Variants in AIFM2 observed in about 807,000 individuals in gnomAD.
AIFM2 encodes the protein ferroptosis suppressor protein 1.
A neutral mutation model predicts 35.7 loss-of-function variants in AIFM2; 38 were observed. That is an observed-to-expected ratio of 1.06 (90% CI 0.82 to 1.39). The LOEUF (loss-of-function observed/expected upper bound fraction) is 1.39, where lower values mean the gene tolerates loss of function less well. Ranked by LOEUF, AIFM2 falls within the 40% of genes most tolerant of loss-of-function variation. The pLI is 0.00. For missense variants in AIFM2, 476 were observed against 491.2 expected (o/e 0.97, Z 0.29); for synonymous variants, 185 against 203.5 (o/e 0.91, Z 0.77).
chr10:70,114,424 A>G (rs2072410970), intron 8 of AIFM2, 95 bp from the exon 9 acceptor site: 4 of 1,485,180 alleles, frequency 2.7e-6, no homozygotes, highest in Non-Finnish European at 3.7e-6. Context: ...CTTCAGACTC[A>G]GGGCCGGAAA....
chr10:70,130,447 T>G (rs1476698322), intron 1 of AIFM2, among the ~76,000 whole-genome samples: 2 of 152,206 alleles, frequency 1.3e-5, no homozygotes, highest in African/African-American at 2.4e-5. Flanking sequence ...CTTCCACTGA[T>G]CATCATGTTT....
At chr10:70,114,413 C>A in intron 8 of AIFM2, 84 bp from the exon 9 acceptor site, 2 of 1,538,036 alleles carry the variant, frequency 1.3e-6, no homozygotes, top group African/African-American at 1.4e-5. Context: ...CTTCCCGAGG[C>A]CTTCAGACTC....
At chr10:70,114,660 G>A in intron 8 of AIFM2, 1 of 521,090 alleles carries the variant, frequency 1.9e-6, no homozygotes, top group Non-Finnish European at 3.4e-6. Context: ...TTTTAGTAGA[G>A]ACGGGGTTTC....
chr10:70,116,576 G>A (rs1362239009), intron 7 of AIFM2, 46 bp downstream of exon 7: 1 of 1,610,200 alleles, frequency 6.2e-7, no homozygotes, highest in African/African-American at 1.3e-5. Context: ...AGAGGGTACT[G>A]GAGAGCAAGG....
chr10:70,119,895 T>A (rs1391145200), intron 5 of AIFM2, among the ~76,000 whole-genome samples: 2 of 152,222 alleles, frequency 1.3e-5, no homozygotes, highest in Non-Finnish European at 2.9e-5. Flanking sequence ...CGGTAGGATC[T>A]CTGTCTTTTG....
In AIFM2 at chr10:70,129,070, C is replaced by T. The variant is rs189439592; in HGVS notation, c.-14+3664G>A. Among the ~76,000 whole-genome samples, 36 of 151,052 alleles carry T rather than the reference C, an allele frequency of 2.4e-4. No individual in the cohort carries two copies. The Middle Eastern group carries it at 0.01, about 44-fold the overall frequency. On this transcript the variant is annotated intron_variant, in intron 1 of 8. Coordinates refer to ENST00000307864, the MANE Select transcript of AIFM2 (RefSeq NM_032797.6). ...CAGGGTCTTGCTCTATCACCCAGGC[C>T]AGAATGCAGTGGCATGATCATAACT...
At chr10:70,132,347 G>A (rs1286744180) in intron 1 of AIFM2, among the ~76,000 whole-genome samples, 1 of 152,192 alleles carries the variant, frequency 6.6e-6, no homozygotes, top group Non-Finnish European at 1.5e-5. Flanking sequence ...CGGACCGGCC[G>A]CTTCTACCCA....
At chr10:70,121,039 A>T in intron 4 of AIFM2, 53 bp downstream of exon 4, 1 of 1,587,704 alleles carries the variant, frequency 6.3e-7, no homozygotes, top group South Asian at 1.1e-5. Flanking sequence ...GGCATCCCCA[A>T]GGCTGTCCTT....
At chr10:70,119,531 A>T (rs1191267192) in intron 5 of AIFM2, among the ~76,000 whole-genome samples, 2 of 152,228 alleles carry the variant, frequency 1.3e-5, no homozygotes, top group Non-Finnish European at 2.9e-5. Context: ...CACACATCTT[A>T]TCCCAGAAGT....
Position 70,114,008 on chromosome 10 carries a change from CCT to C in AIFM2, c.*168_*169del, listed in dbSNP as rs200860536. 3.8e-5 allele frequency: 31 copies of C among 806,294 alleles called. No individual in the cohort carries two copies. The highest frequency in any genetic ancestry group is 4.9e-5 in the Non-Finnish European group (26 of 535,748). 49.9% of individuals were successfully genotyped at this position (806,294 alleles called of 1,614,324 possible). A position where few individuals can be genotyped will look rare whatever the true frequency, so the allele number is the denominator to read the frequency against. Reference sequence around the variant, plus strand: ...CTCTAAGGGGGGTATTTGTTTAATACCTCTCTCTCTCCCATTTTTGTTTTATA... The same window carrying C: ...CTCTAAGGGGGGTATTTGTTTAATACCTCTCTCTCCCATTTTTGTTTTATA... On this transcript the variant is annotated 3_prime_UTR_variant, in exon 9 of 9. Transcript: ENST00000307864.
At chr10:70,116,890 T>C in intron 6 of AIFM2, 116 bp from the exon 7 acceptor site, 2 of 1,272,408 alleles carry the variant, frequency 1.6e-6, no homozygotes, top group Non-Finnish European at 2.2e-6. Flanking sequence ...AACTGGGCAA[T>C]GGCTGCACCC....
intron 1 of AIFM2, among the ~76,000 whole-genome samples, chr10:70,130,540 A>G (rs1387357181): frequency 6.6e-6 from 1 of 152,232 alleles, no homozygotes; most frequent in Non-Finnish European, 1.5e-5. Flanking sequence ...TGGTGTATGA[A>G]TAGACCACAT....
Position 70,121,138 on chromosome 10 carries a change from G to A in AIFM2, c.368C>T (p.Ser123Phe). Reference protein sequence around the residue: ...GPFPGKFNEVSSQQAAIQAYE... With the variant: ...GPFPGKFNEVFSQQAAIQAYE... ...GGCCTGGATAGCGGCCTGCTGGCTG[G>A]AAACCTCATTAAACTTGCCCGGGAA... The change falls in exon 4 of 9, where the codon TCC (serine) becomes TTC (phenylalanine). Residue 123 changes from serine (S) to phenylalanine (F), a missense_variant. Coordinates refer to ENST00000307864, the MANE Select transcript of AIFM2 (RefSeq NM_032797.6). 1 of 1,596,276 alleles carries A rather than the reference G, an allele frequency of 6.3e-7. No individual in the cohort carries two copies. Among genetic ancestry groups the A allele is most frequent in the Non-Finnish European group, 8.5e-7 (1 of 1,170,264 alleles).
At chr10:70,123,864 A>G (rs762004416) in intron 2 of AIFM2, 43 bp downstream of exon 2, 2 of 1,490,700 alleles carry the variant, frequency 1.3e-6, no homozygotes, top group Non-Finnish European at 1.8e-6. Flanking sequence ...GAGCAGAGAC[A>G]AGACCCCCCT....
intron 1 of AIFM2, among the ~76,000 whole-genome samples, chr10:70,132,008 C>T (rs1239633205): frequency 2.0e-5 from 3 of 152,214 alleles, no homozygotes; most frequent in Non-Finnish European, 4.4e-5. Context: ...CAAGAGACCT[C>T]ACCACTCCCC....
At position 70,113,044 on chromosome 10, in the gene AIFM2, T is replaced by C. The variant is rs1029755298; in HGVS notation, c.*1134A>G. The C allele has an allele frequency of 6.6e-5, 10 of 152,234 alleles. No homozygotes were observed. Among genetic ancestry groups the C allele is most frequent in the Admixed American group, 5.9e-4 (9 of 15,286 alleles). 9.4% of individuals were successfully genotyped at this position (152,234 alleles called of 1,614,324 possible). On this transcript the variant is annotated 3_prime_UTR_variant, in exon 9 of 9. Transcript: ENST00000307864. ...CTCTGCTCGCTAATGGGTAAGCAGA[T>C]GGCACCCCGCAAAGAGTCACATTAT...
chr10:70,123,704 G>A (rs1269213553), intron 2 of AIFM2, among the ~76,000 whole-genome samples, 184 bp from the exon 3 acceptor site: 1 of 152,170 alleles, frequency 6.6e-6, no homozygotes, highest in Non-Finnish European at 1.5e-5. Context: ...CAGACCGTCA[G>A]AAAAGCTCAA....
At chr10:70,124,686 G>T (rs1265601105) in intron 1 of AIFM2, among the ~76,000 whole-genome samples, 1 of 152,152 alleles carries the variant, frequency 6.6e-6, no homozygotes, top group African/African-American at 2.4e-5. Context: ...GGGAAAAGGT[G>T]CAATAACAAG....
chr10:70,114,832 T>C, intron 8 of AIFM2, 88 bp downstream of exon 8: 2 of 1,424,550 alleles, frequency 1.4e-6, no homozygotes. Flanking sequence ...TTTGTTCTAG[T>C]GGCCAGGTAT....
Sources: gnomAD v4.1 joint callset for allele counts (sites outside exome capture counted in the v4.1 genomes callset) on GRCh38, gnomAD v4.1.1 for gene constraint, MANE v1.5 for transcripts, NCBI Gene and HGNC (gene_info 2026-07-23, HGNC 2026-07-21) for gene names.